NUDC: variants seen among roughly 807,000 people sequenced by gnomAD.
The protein encoded by NUDC is nuclear migration protein nudC.
Under a neutral mutation model 45.0 loss-of-function variants are expected in NUDC, and 14 were observed. That is an observed-to-expected ratio of 0.31 (90% CI 0.21 to 0.49). The LOEUF (loss-of-function observed/expected upper bound fraction) is 0.49. Among genes scored for constraint, NUDC ranks in the 20% least tolerant of loss-of-function variants. The pLI, the probability that NUDC is intolerant of heterozygous loss-of-function variation, is 0.99. For synonymous variants in NUDC, 153 were observed against 156.7 expected, an observed-to-expected ratio of 0.98 and a Z score of 0.17; for missense variants, 323 against 426.2, an observed-to-expected ratio of 0.76 and a Z score of 2.13.
At chr1:26,942,141 A>G (rs930105373) in intron 4 of NUDC, among the ~76,000 whole-genome samples, 3 of 151,978 alleles carry the variant, frequency 2.0e-5, no homozygotes, top group Admixed American at 6.6e-5. Flanking sequence ...AAAATACAAA[A>G]ATTAGCCAGG....
chr1:26,904,967 G>A (rs1472971863), intron 2 of NUDC, among the ~76,000 whole-genome samples: 1 of 150,216 alleles, frequency 6.7e-6, no homozygotes, highest in African/African-American at 2.4e-5. Context: ...CTCCTGAGTA[G>A]CTGGGATTAC....
At chr1:26,939,822 G>T (rs929531819) in intron 2 of NUDC, among the ~76,000 whole-genome samples, 3 of 152,198 alleles carry the variant, frequency 2.0e-5, no homozygotes, top group Non-Finnish European at 4.4e-5. Context: ...ACAGGTTCCA[G>T]GTGATGCTGA....
At chr1:26,936,244 C>T (rs1332579203) in intron 2 of NUDC, among the ~76,000 whole-genome samples, 6 of 115,092 alleles carry the variant, frequency 5.2e-5, no homozygotes, top group Admixed American at 1.1e-4. Context: ...GGCTGGAGTA[C>T]GGTGTCCTGA....
intron 1 of NUDC, 80 bp downstream of exon 1, chr1:26,922,009 AC>A: frequency 7.1e-7 from 1 of 1,414,948 alleles, no homozygotes; most frequent in Non-Finnish European, 9.7e-7. Context: ...GAGGGCTGAG[AC>A]CCACCCCAGC....
At chr1:26,922,136 G>A in intron 1 of NUDC, 1 of 600,238 alleles carries the variant, frequency 1.7e-6, no homozygotes, top group Non-Finnish European at 3.0e-6. Flanking sequence ...GCGCCCCTCA[G>A]TAGTAGCAAA....
At chr1:26,906,710 G>A (rs964332995) in intron 2 of NUDC, among the ~76,000 whole-genome samples, 3 of 152,086 alleles carry the variant, frequency 2.0e-5, no homozygotes, top group East Asian at 1.9e-4. Context: ...TTGGCCGGGC[G>A]TGGTGGCGGG....
In NUDC at chr1:26,921,825, G is replaced by T; in HGVS notation, c.-24G>T. 3 of 1,549,580 alleles carry T rather than the reference G, an allele frequency of 1.9e-6. No individual in the cohort carries two copies. Among genetic ancestry groups the T allele is most frequent in the Non-Finnish European group, 2.6e-6 (3 of 1,146,616 alleles). On this transcript the variant is annotated 5_prime_UTR_variant, in exon 1 of 9. Coordinates refer to ENST00000321265, the MANE Select transcript of NUDC (RefSeq NM_006600.4). ...GCGCGGGACTAGAGTGCAGAGCTCC[G>T]GGACGTGGATCGGAGCCGGCGCGAT...
At chr1:26,917,947 A>G (rs142241075), upstream of NUDC, among the ~76,000 whole-genome samples, 29 of 151,848 alleles carry the variant, frequency 1.9e-4, no homozygotes, top group East Asian at 3.5e-3. Flanking sequence ...CACTACTCCC[A>G]GTCCTTCCTA....
At chr1:26,923,360 C>T (rs2082106347) in intron 1 of NUDC, among the ~76,000 whole-genome samples, 1 of 152,214 alleles carries the variant, frequency 6.6e-6, no homozygotes, top group Non-Finnish European at 1.5e-5. Flanking sequence ...ATATGTCCAT[C>T]TGATACTCAA....
chr1:26,913,603 G>C (rs772208363), intron 3 of NUDC: 1 of 1,613,978 alleles, frequency 6.2e-7, no homozygotes, highest in Non-Finnish European at 8.5e-7. Flanking sequence ...GCTGGGCACC[G>C]GGGCCTCAGC....
At chr1:26,908,845 G>A (rs1283493766) in intron 2 of NUDC, among the ~76,000 whole-genome samples, 1 of 152,130 alleles carries the variant, frequency 6.6e-6, no homozygotes, top group Non-Finnish European at 1.5e-5. Context: ...GGGTTCAAGT[G>A]ATTTTCGTGC....
intron 2 of NUDC, among the ~76,000 whole-genome samples, chr1:26,934,979 T>G (rs906228496): frequency 1.4e-5 from 2 of 145,010 alleles, no homozygotes; most frequent in African/African-American, 2.5e-5. Flanking sequence ...TTTGTTTTTG[T>G]TTTTTGTTTT....
At chr1:26,925,566 A>T (rs565802753) in intron 2 of NUDC, among the ~76,000 whole-genome samples, 1 of 151,132 alleles carries the variant, frequency 6.6e-6, no homozygotes, top group Non-Finnish European at 1.5e-5. Flanking sequence ...AAAAAGAAAT[A>T]AATTTAGAAA....
chr1:26,931,541 G>C (rs555770023), intron 2 of NUDC, among the ~76,000 whole-genome samples: 31 of 150,504 alleles, frequency 2.1e-4, no homozygotes, highest in African/African-American at 7.1e-4. Flanking sequence ...AGCACTTTGG[G>C]AGGCCGAGGT....
In NUDC at chr1:26,945,554, C is replaced by G. The variant is rs374374579; in HGVS notation, c.826-14C>G. On this transcript the variant is annotated splice_polypyrimidine_tract_variant and intron_variant, in intron 7 of 8. Transcript: ENST00000321265. ...TCCAGAGCTTCACCGATTCCTGTCA[C>G]TGCCTGCCCTCAGCTGTCAGACCTG... is the stretch of plus-strand genomic sequence containing the variant. 6.2e-7 allele frequency: 1 copy of G among 1,612,666 alleles called. No homozygotes were observed. Among genetic ancestry groups the G allele is most frequent in the Non-Finnish European group, 8.5e-7 (1 of 1,178,714 alleles).
chr1:26,901,007 T>C (rs892504890), intron 1 of NUDC, among the ~76,000 whole-genome samples: 1 of 152,164 alleles, frequency 6.6e-6, no homozygotes, highest in African/African-American at 2.4e-5. Flanking sequence ...ATCCACTATG[T>C]TGGCAAACTT....
At chr1:26,938,770 T>C (rs761828677) in intron 2 of NUDC, among the ~76,000 whole-genome samples, 7 of 152,152 alleles carry the variant, frequency 4.6e-5, no homozygotes, top group Non-Finnish European at 8.8e-5. Context: ...GAAAGAGGGT[T>C]TATTGACCAC....
At position 26,945,697 on chromosome 1, in the gene NUDC, C is replaced by A; in HGVS notation, c.944+11C>A. 6.2e-7 allele frequency: 1 copy of A among 1,604,640 alleles called. No individual in the cohort carries two copies. Among genetic ancestry groups the A allele is most frequent in the Non-Finnish European group, 8.5e-7 (1 of 1,171,942 alleles). ...GGAGATTCTGAAGAAGTGAGCAATT[C>A]AGAGACGGGGTTGGGGGACCGTGGG... On this transcript the variant is annotated intron_variant, in intron 8 of 8. Transcript: ENST00000321265.
intron 3 of NUDC, chr1:26,911,697 G>T: frequency 2.2e-6 from 2 of 905,350 alleles, no homozygotes; most frequent in Non-Finnish European, 3.5e-6. Context: ...TGTGGGGTGT[G>T]GCTGAGTGAA....
Sources: allele counts gnomAD v4.1 joint callset (sites outside exome capture counted in the v4.1 genomes callset), GRCh38; gene constraint gnomAD v4.1.1; transcripts MANE v1.5; gene names NCBI Gene and HGNC (gene_info 2026-07-23, HGNC 2026-07-21).